The following DSG1 variants were observed in gnomAD, a reference collection of about 807,000 sequenced individuals.
DSG1 encodes the protein desmoglein 1, also known as desmoglein-1.
DSG1 carries 39 observed loss-of-function variants against 97.5 expected under a neutral mutation model. That is an observed-to-expected ratio of 0.40 (90% CI 0.31 to 0.52). DSG1 has a LOEUF of 0.52. DSG1 is among the 20% of genes least tolerant of loss of function. The probability of loss-of-function intolerance (pLI) is 0.53; values close to 1 mark genes in which losing one functional copy is unlikely to be tolerated. For missense variants in DSG1, 1,311 were observed against 1,295.4 expected, an observed-to-expected ratio of 1.01 and a Z score of -0.18; for synonymous variants, 475 against 443.4, an observed-to-expected ratio of 1.07 and a Z score of -0.90.
chr18:31,328,016 T>C (rs959115979), intron 3 of DSG1, among the ~76,000 whole-genome samples, 173 bp from the exon 4 acceptor site: 1 of 152,172 alleles, frequency 6.6e-6, no homozygotes, highest in Non-Finnish European at 1.5e-5. Flanking sequence ...TCAGTTACCA[T>C]TGAAAATATT....
chr18:31,326,829 G>A lies in DSG1; in HGVS notation c.85-45G>A, dbSNP rs183420000. On this transcript the variant is annotated intron_variant, in intron 2 of 14. Transcript: ENST00000257192. ...AAAATCTCAGTGGAATTTGAATTACGAATTCAAATTAATATATACCATTTC... is the reference window on the plus strand; with the variant it reads ...AAAATCTCAGTGGAATTTGAATTACAAATTCAAATTAATATATACCATTTC... 2.4e-4 allele frequency: 380 copies of A among 1,586,654 alleles called. 5 individuals carry two copies. The East Asian group carries it at 2.5e-3, about 10-fold the overall frequency.
intron 9 of DSG1, among the ~76,000 whole-genome samples, chr18:31,337,031 T>C (rs777058993): frequency 2.0e-5 from 3 of 152,208 alleles, no homozygotes; most frequent in East Asian, 1.9e-4. Flanking sequence ...TTATTCAGCA[T>C]TTAATATTGG....
chr18:31,330,371 C>T (rs1347896730), intron 5 of DSG1, among the ~76,000 whole-genome samples: 1 of 152,088 alleles, frequency 6.6e-6, no homozygotes, highest in Non-Finnish European at 1.5e-5. Flanking sequence ...GACAATCCCA[C>T]CCTTTTCTGC....
chr18:31,326,768 A>T, intron 2 of DSG1, 106 bp from the exon 3 acceptor site: 1 of 1,436,586 alleles, frequency 7.0e-7, no homozygotes, highest in Non-Finnish European at 9.7e-7. Context: ...TTTCCCAATT[A>T]AACATCCTCT....
chr18:31,343,736 A>G (rs771793315), intron 12 of DSG1, 153 bp downstream of exon 12: 2 of 1,258,858 alleles, frequency 1.6e-6, no homozygotes, highest in Non-Finnish European at 2.3e-6. Flanking sequence ...AAACACAACA[A>G]AATTAGATGG....
intron 12 of DSG1, 82 bp downstream of exon 12, chr18:31,343,665 C>G: frequency 6.3e-7 from 1 of 1,588,698 alleles, no homozygotes; most frequent in Non-Finnish European, 8.6e-7. Flanking sequence ...GCCGCCATCA[C>G]TCACAGTCTA....
intron 5 of DSG1, among the ~76,000 whole-genome samples, chr18:31,330,343 A>G (rs2071712760): frequency 6.6e-6 from 1 of 152,122 alleles, no homozygotes; most frequent in African/African-American, 2.4e-5. Flanking sequence ...TTAGCCTCCC[A>G]GTCTAACTGT....
At chr18:31,331,666 T>A in intron 5 of DSG1, 35 bp from the exon 6 acceptor site, 1 of 1,600,934 alleles carries the variant, frequency 6.2e-7, no homozygotes, top group Non-Finnish European at 8.5e-7. Context: ...AAAATGTAAA[T>A]CACCCATTTG....
chr18:31,353,555 G>GC (rs2071921272), intron 14 of DSG1, among the ~76,000 whole-genome samples: 1 of 152,192 alleles, frequency 6.6e-6, no homozygotes, highest in Non-Finnish European at 1.5e-5. Flanking sequence ...AATGGCGGGC[G>GC]CCCCTCCCCC....
In DSG1 at chr18:31,357,931, T is replaced by C. The variant is rs1176515800; in HGVS notation, c.*2585T>C. Reference sequence around the variant, plus strand: ...TCCCTTTTCAAGACATCAACGATTTTAGTAGTTATTTAAAGGCATGTCATT... The same window carrying C: ...TCCCTTTTCAAGACATCAACGATTTCAGTAGTTATTTAAAGGCATGTCATT... On this transcript the variant is annotated 3_prime_UTR_variant, in exon 15 of 15. Coordinates refer to ENST00000257192, the MANE Select transcript of DSG1 (RefSeq NM_001942.4). Among the ~76,000 whole-genome samples, 2 of 152,032 alleles carry C rather than the reference T, an allele frequency of 1.3e-5. No individual in the cohort carries two copies. Among genetic ancestry groups the C allele is most frequent in the African/African-American group, 4.8e-5 (2 of 41,452 alleles).
At chr18:31,334,746 TG>T (rs2071741573) in intron 8 of DSG1, among the ~76,000 whole-genome samples, 1 of 152,156 alleles carries the variant, frequency 6.6e-6, no homozygotes, top group South Asian at 2.1e-4. Flanking sequence ...ACAGATATAC[TG>T]GAAATTTGGT....
At position 31,327,986 on chromosome 18, in the gene DSG1, G is replaced by A. The variant is rs117931595; in HGVS notation, c.217-203G>A. Among the ~76,000 whole-genome samples the A allele has an allele frequency of 3.9e-4, 59 of 152,228 alleles. No homozygotes were observed. In the East Asian group the frequency reaches 0.011, roughly 28 times the overall value. On this transcript the variant is annotated intron_variant, in intron 3 of 14. Coordinates refer to ENST00000257192, the MANE Select transcript of DSG1 (RefSeq NM_001942.4). ...TTCATGTTTCATAGAAGCAGAAACC[G>A]AATTTCTTTGATTACATTGTCAGTT...
At position 31,354,667 on chromosome 18, in the gene DSG1, A is replaced by C; in HGVS notation, c.2471A>C (p.Lys824Thr). Reference sequence around the variant, plus strand: ...TCGGGACCTGGTGTACTGCATCCTAAGCCTATTCTCGATCCTCTGGGCTAT... The same window carrying C: ...TCGGGACCTGGTGTACTGCATCCTACGCCTATTCTCGATCCTCTGGGCTAT... ...YPSGPGVLHP[K>T]PILDPLGYGN... Residue 824 changes from lysine to threonine, a missense_variant, in exon 15 of 15, where the codon AAG becomes ACG. Lys to Thr is a moderately conservative substitution (Grantham distance 78, BLOSUM62 -1). This residue lies in a region of DSG1 where 1,038 missense variants were observed against 964.6 expected (regional missense o/e 1.08). Transcript: ENST00000257192. 4 of 1,614,072 alleles carry C rather than the reference A, an allele frequency of 2.5e-6. No individual in the cohort carries two copies. The highest frequency in any genetic ancestry group is 2.5e-6 in the Non-Finnish European group (3 of 1,180,010).
At chr18:31,318,422 A>C in intron 1 of DSG1, 74 bp downstream of exon 1, 1 of 1,187,450 alleles carries the variant, frequency 8.4e-7, no homozygotes, top group Non-Finnish European at 1.3e-6. Flanking sequence ...AGAAAATGTT[A>C]GTGGGCATTA....
intron 13 of DSG1, among the ~76,000 whole-genome samples, chr18:31,344,527 C>T (rs533691386): frequency 3.9e-5 from 6 of 152,236 alleles, no homozygotes; most frequent in African/African-American, 4.8e-5. Context: ...ACAAATATTA[C>T]CTAAAAAATA....
chr18:31,329,366 C>T (rs7236225), intron 4 of DSG1, among the ~76,000 whole-genome samples: 62,716 of 151,800 alleles, frequency 0.41, 14,207 homozygotes, highest in Non-Finnish European at 0.5. Flanking sequence ...TCGATATTTG[C>T]AGTTTTCACT....
chr18:31,351,060 T>G (rs1164566065), intron 14 of DSG1, among the ~76,000 whole-genome samples: 1 of 148,924 alleles, frequency 6.7e-6, no homozygotes, highest in African/African-American at 2.6e-5. Context: ...ATTGTGATGT[T>G]AGGGTGTCAA....
intron 11 of DSG1, among the ~76,000 whole-genome samples, chr18:31,342,575 T>A (rs79458437): frequency 0.013 from 1,990 of 152,288 alleles, 43 homozygotes; most frequent in African/African-American, 0.044. Context: ...AATAAATAGA[T>A]AAATAAGAAA....
intron 6 of DSG1, 119 bp from the exon 7 acceptor site, chr18:31,333,470 A>C: frequency 8.3e-7 from 1 of 1,203,538 alleles, no homozygotes. Flanking sequence ...TTCTGTGTTA[A>C]CCCTACCTCT....
Sources: gnomAD v4.1 joint callset for allele counts (sites outside exome capture counted in the v4.1 genomes callset) on GRCh38, gnomAD v4.1.1 for gene constraint, gnomAD v4.1.1 regional missense constraint, MANE v1.5 for transcripts, NCBI Gene and HGNC (gene_info 2026-07-23, HGNC 2026-07-21) for gene names.